DGLUCY: variants seen among roughly 807,000 people sequenced by gnomAD.
DGLUCY encodes the protein D-glutamate cyclase.
In DGLUCY, 58 loss-of-function variants were observed where a neutral mutation model predicts 58.5. The observed-to-expected ratio is 0.99, with a 90% confidence interval of 0.80 to 1.23. DGLUCY has a LOEUF of 1.23. Ranked by LOEUF, DGLUCY falls within the 50% of genes most tolerant of loss-of-function variation. The probability of loss-of-function intolerance (pLI) is 0.00; values close to 1 mark genes in which losing one functional copy is unlikely to be tolerated. For missense variants in DGLUCY, 779 were observed against 784.7 expected, an observed-to-expected ratio of 0.99 and a Z score of 0.09; for synonymous variants, 325 against 314.1, an observed-to-expected ratio of 1.03 and a Z score of -0.37.
intron 1 of DGLUCY, among the ~76,000 whole-genome samples, chr14:91,133,620 C>T (rs1404778563): frequency 6.6e-6 from 1 of 152,014 alleles, no homozygotes; most frequent in African/African-American, 2.4e-5. Flanking sequence ...TACTCCTGGC[C>T]TCAAGCAATT....
At position 91,147,029 on chromosome 14, in the gene DGLUCY, T is replaced by C. The variant is rs2047049064; in HGVS notation, c.-81-10610T>C. Among the ~76,000 whole-genome samples the C allele has an allele frequency of 2.0e-5, 3 of 152,236 alleles. No homozygotes were observed. The South Asian group carries it at 6.2e-4, about 32-fold the overall frequency. On this transcript the variant is annotated intron_variant, in intron 1 of 13. Transcript: ENST00000256324. ...TGGTCCCCAGAGGCTTCTCACTGTCTTGCTGTCATTGTCCAAGGTCCCTGA... is the reference window on the plus strand; with the variant it reads ...TGGTCCCCAGAGGCTTCTCACTGTCCTGCTGTCATTGTCCAAGGTCCCTGA...
At chr14:91,083,576 G>A (rs1042423521) in intron 1 of DGLUCY, among the ~76,000 whole-genome samples, 4 of 150,612 alleles carry the variant, frequency 2.7e-5, no homozygotes, top group African/African-American at 7.3e-5. Context: ...GAGTCTCCAC[G>A]CCTGACCCAG....
intron 1 of DGLUCY, among the ~76,000 whole-genome samples, chr14:91,081,467 G>A (rs947609033): frequency 2.0e-5 from 3 of 152,190 alleles, no homozygotes; most frequent in Admixed American, 1.3e-4. Flanking sequence ...ATTTTAGCAG[G>A]TATATTAGTT....
At chr14:91,121,554 TGG>T (rs2045358377) in intron 1 of DGLUCY, among the ~76,000 whole-genome samples, 1 of 151,338 alleles carries the variant, frequency 6.6e-6, no homozygotes, top group Non-Finnish European at 1.5e-5. Context: ...CCAGATGTGG[TGG>T]CGATCGCGCC....
chr14:91,215,241 T>C (rs1294230654), intron 12 of DGLUCY, among the ~76,000 whole-genome samples, 164 bp from the exon 13 acceptor site: 1 of 152,216 alleles, frequency 6.6e-6, no homozygotes, highest in Non-Finnish European at 1.5e-5. Context: ...TATTCAGTAG[T>C]TCTTGGCTGG....
intron 7 of DGLUCY, 135 bp downstream of exon 7, chr14:91,176,191 C>T (rs754051081): frequency 2.8e-6 from 3 of 1,059,928 alleles, no homozygotes; most frequent in African/African-American, 1.6e-5. Context: ...CAGAGGCCTA[C>T]AGCTACAGTG....
At chr14:91,103,600 G>A (rs915760115), upstream of DGLUCY, among the ~76,000 whole-genome samples, 2 of 152,004 alleles carry the variant, frequency 1.3e-5, no homozygotes, top group African/African-American at 4.8e-5. Context: ...GGCAAATCGC[G>A]CAACTTGTAG....
chr14:91,131,388 T>C (rs993510628), intron 1 of DGLUCY, among the ~76,000 whole-genome samples: 2 of 151,964 alleles, frequency 1.3e-5, no homozygotes, highest in African/African-American at 2.4e-5. Flanking sequence ...ATATTCTCTT[T>C]TTTTTTTGTC....
chr14:91,087,795 T>C (rs778047558), intron 1 of DGLUCY, among the ~76,000 whole-genome samples: 1 of 152,208 alleles, frequency 6.6e-6, no homozygotes, highest in Non-Finnish European at 1.5e-5. Flanking sequence ...TTCAGTGTAC[T>C]CTCGTGACAA....
rs187216496 is a variant in DGLUCY, at chr14:91,095,597, G to A, written c.-82+34893G>A. Among the ~76,000 whole-genome samples the A allele has an allele frequency of 2.3e-3, 351 of 152,196 alleles. 2 individuals are homozygous for A. The highest frequency in any genetic ancestry group is 4.0e-3 in the Non-Finnish European group (273 of 68,008). On this transcript the variant is annotated intron_variant, in intron 1 of 4. Transcript: ENST00000521334. The stretch of plus-strand genomic sequence containing the variant: ...GGATTTCAAAAGAGATGCTTTATTC[G>A]GTTCAGAAATGTGGCAACAGCTGGA...
intron 8 of DGLUCY, among the ~76,000 whole-genome samples, chr14:91,182,416 G>C (rs1410874786): frequency 6.6e-6 from 1 of 152,122 alleles, no homozygotes; most frequent in Non-Finnish European, 1.5e-5. Flanking sequence ...ATGGTTTCTA[G>C]GTAGGCAACT....
At chr14:91,108,518 TGTGTGTGTGAGAGAGAGAGAGA>T (rs2044632551) in intron 1 of DGLUCY, among the ~76,000 whole-genome samples, 1 of 93,164 alleles carries the variant, frequency 1.1e-5, no homozygotes, top group African/African-American at 3.7e-5. Context: ...TGTGTGTGTG[TGTGTGTGTGAGAGAGAGAGAGA>T]GAGAGAGAGA....
chr14:91,136,389 A>T (rs1566959416), intron 1 of DGLUCY, among the ~76,000 whole-genome samples: 1 of 152,138 alleles, frequency 6.6e-6, no homozygotes, highest in Non-Finnish European at 1.5e-5. Flanking sequence ...AGCCTTTAGA[A>T]ATTCAGACCC....
intron 1 of DGLUCY, among the ~76,000 whole-genome samples, chr14:91,119,524 T>G (rs1010578970): frequency 6.6e-6 from 1 of 152,148 alleles, no homozygotes; most frequent in Non-Finnish European, 1.5e-5. Context: ...GCTAGACATT[T>G]TTTTTCCATT....
chr14:91,172,934 G>A (rs963215912), intron 5 of DGLUCY, among the ~76,000 whole-genome samples: 4 of 152,176 alleles, frequency 2.6e-5, no homozygotes, highest in South Asian at 2.1e-4. Context: ...GTGAGCCATC[G>A]TGTCTGGCCA....
intron 13 of DGLUCY, among the ~76,000 whole-genome samples, chr14:91,217,464 A>G (rs1297851912): frequency 6.9e-6 from 1 of 145,242 alleles, no homozygotes; most frequent in Non-Finnish European, 1.5e-5. Flanking sequence ...AGACGTCCGC[A>G]TTGCTGCCCC....
intron 1 of DGLUCY, among the ~76,000 whole-genome samples, chr14:91,062,585 A>G (rs1308777744): frequency 4.0e-5 from 1 of 24,978 alleles, no homozygotes; most frequent in Non-Finnish European, 9.7e-5. Flanking sequence ...ATATATATAT[A>G]TATATATATA....
intron 1 of DGLUCY, among the ~76,000 whole-genome samples, chr14:91,098,323 G>A (rs1280632021): frequency 6.6e-6 from 1 of 151,850 alleles, no homozygotes; most frequent in African/African-American, 2.4e-5. Flanking sequence ...CAAGCATGAT[G>A]GTGCGCATCT....
At chr14:91,177,709 C>A (rs1595848241) in intron 7 of DGLUCY, among the ~76,000 whole-genome samples, 1 of 152,226 alleles carries the variant, frequency 6.6e-6, no homozygotes, top group Non-Finnish European at 1.5e-5. Flanking sequence ...TGAAAGCATT[C>A]GTGAGAGTTC....
Sources: gnomAD v4.1 joint callset for allele counts (sites outside exome capture counted in the v4.1 genomes callset) on GRCh38, gnomAD v4.1.1 for gene constraint, MANE v1.5 for transcripts, NCBI Gene and HGNC (gene_info 2026-07-23, HGNC 2026-07-21) for gene names.